Variants in CREBL2 observed in about 807,000 individuals in gnomAD.
The protein encoded by CREBL2 is cAMP responsive element binding protein like 2, also known as cAMP-responsive element-binding protein-like 2.
Under a neutral mutation model 19.5 loss-of-function variants are expected in CREBL2, and 4 were observed. The ratio of observed to expected loss-of-function variants is 0.20; its 90% CI spans 0.10 to 0.47. The LOEUF (loss-of-function observed/expected upper bound fraction) is 0.47. CREBL2 is among the 20% of genes least tolerant of loss of function. CREBL2 has a pLI of 0.98. For missense variants in CREBL2, 85 were observed against 145.1 expected, an observed-to-expected ratio of 0.59 and a Z score of 2.13; for synonymous variants, 42 against 46.6, an observed-to-expected ratio of 0.90 and a Z score of 0.40.
chr12:12,632,093 TTTG>T (rs1300020111), intron 1 of CREBL2, among the ~76,000 whole-genome samples: 327 of 123,938 alleles, frequency 2.6e-3, no homozygotes, highest in African/African-American at 7.3e-3. Context: ...TTTTTTTTTT[TTTG>T]AGACGGAGTC....
intron 1 of CREBL2, among the ~76,000 whole-genome samples, chr12:12,616,296 T>G (rs1010822553): frequency 5.3e-5 from 8 of 152,122 alleles, no homozygotes; most frequent in African/African-American, 1.7e-4. Flanking sequence ...TCTGGTGGGG[T>G]GAAGGAAGGT....
At chr12:12,616,083 A>G (rs574452434) in intron 1 of CREBL2, among the ~76,000 whole-genome samples, 37 of 152,380 alleles carry the variant, frequency 2.4e-4, no homozygotes, top group Non-Finnish European at 5.0e-4. Context: ...GGATGGTAGA[A>G]GAACATACTG....
chr12:12,632,874 C>T (rs1338745492), intron 1 of CREBL2, among the ~76,000 whole-genome samples: 1 of 150,900 alleles, frequency 6.6e-6, no homozygotes, highest in African/African-American at 2.4e-5. Context: ...ATATTTGGCT[C>T]TGAAGAAAGT....
intron 1 of CREBL2, 126 bp downstream of exon 1, chr12:12,612,313 C>G: frequency 6.5e-7 from 1 of 1,526,958 alleles, no homozygotes; most frequent in Non-Finnish European, 8.9e-7. Context: ...CCCTGCGCCT[C>G]TCCAGTCCAC....
Position 12,643,742 on chromosome 12 carries a change from A to G in CREBL2, c.*1744A>G, listed in dbSNP as rs962517522. 1 of 152,170 alleles carries G rather than the reference A, an allele frequency of 6.6e-6. No homozygotes were observed. The highest frequency in any genetic ancestry group is 2.4e-5 in the African/African-American group (1 of 41,450). The allele number at this position is 152,170 out of a possible 1,614,324, so 9.4% of individuals were successfully genotyped here. A position where few individuals can be genotyped will look rare whatever the true frequency, so the allele number is the denominator to read the frequency against. ...CACTAGCCCAGTTTGCTGGGTCTCT[A>G]TGTTTTGGAAGTTGGGGGTTTAATA... On this transcript the variant is annotated 3_prime_UTR_variant, in exon 4 of 4. Transcript: ENST00000228865.
chr12:12,636,411 ATTTTTAT>A (rs201587718), intron 2 of CREBL2, among the ~76,000 whole-genome samples: 1,748 of 152,064 alleles, frequency 0.011, 13 homozygotes, highest in Non-Finnish European at 0.019. Flanking sequence ...TTATTTATTT[ATTTTTAT>A]TTTTTATTTT....
intron 2 of CREBL2, among the ~76,000 whole-genome samples, chr12:12,637,022 G>A (rs887335763): frequency 6.6e-6 from 1 of 152,166 alleles, no homozygotes; most frequent in Non-Finnish European, 1.5e-5. Context: ...TATGTTGAAT[G>A]TGACATGCTA....
At chr12:12,615,519 GAC>G (rs1945304542) in intron 1 of CREBL2, 1 of 149,642 alleles carries the variant, frequency 6.7e-6, no homozygotes, top group Non-Finnish European at 1.5e-5. Context: ...TTTTCTTTGA[GAC>G]GGAGTCTTGC....
At chr12:12,620,298 A>G (rs1323496973) in intron 1 of CREBL2, among the ~76,000 whole-genome samples, 5 of 151,948 alleles carry the variant, frequency 3.3e-5, no homozygotes, top group African/African-American at 9.7e-5. Flanking sequence ...AAGTGGTGCA[A>G]TCATGGTTCA....
At chr12:12,627,219 T>C (rs1426571990) in intron 1 of CREBL2, among the ~76,000 whole-genome samples, 3 of 152,186 alleles carry the variant, frequency 2.0e-5, no homozygotes, top group Non-Finnish European at 4.4e-5. Context: ...TCAATTATAA[T>C]AAATGTACCA....
intron 1 of CREBL2, among the ~76,000 whole-genome samples, chr12:12,621,566 G>C (rs1945360323): frequency 6.6e-6 from 1 of 150,766 alleles, no homozygotes. Context: ...CTATATTTGA[G>C]TTGCCAGCAG....
chr12:12,616,764 C>T (rs368147246), intron 1 of CREBL2, among the ~76,000 whole-genome samples: 47 of 152,290 alleles, frequency 3.1e-4, no homozygotes, highest in African/African-American at 1.1e-3. Flanking sequence ...CCCTCACATT[C>T]TGTATGAGTC....
intron 1 of CREBL2, among the ~76,000 whole-genome samples, chr12:12,634,311 A>G (rs1945459549): frequency 6.6e-6 from 1 of 152,236 alleles, no homozygotes; most frequent in African/African-American, 2.4e-5. Flanking sequence ...AAGCTAAACA[A>G]TGAAGAAGAT....
chr12:12,613,585 G>C (rs143143806), intron 1 of CREBL2, among the ~76,000 whole-genome samples: 373 of 152,310 alleles, frequency 2.4e-3, no homozygotes, highest in Admixed American at 5.1e-3. Context: ...GCCCAGTGCA[G>C]TACTCTGGAA....
intron 3 of CREBL2, among the ~76,000 whole-genome samples, chr12:12,640,318 C>G (rs915693563): frequency 6.6e-6 from 1 of 152,120 alleles, no homozygotes; most frequent in Admixed American, 6.5e-5. Flanking sequence ...TATTAATATT[C>G]CTTGCTAGGA....
intron 1 of CREBL2, among the ~76,000 whole-genome samples, chr12:12,612,902 G>A (rs1257549869): frequency 6.6e-6 from 1 of 152,010 alleles, no homozygotes; most frequent in African/African-American, 2.4e-5. Flanking sequence ...ACGGAGTTTC[G>A]CTCTTGTCGC....
At chr12:12,633,126 G>C (rs997494252) in intron 1 of CREBL2, among the ~76,000 whole-genome samples, 3 of 151,760 alleles carry the variant, frequency 2.0e-5, no homozygotes, top group Non-Finnish European at 4.4e-5. Context: ...TAGTAGAGAA[G>C]GGGTTTCACC....
At chr12:12,638,006 C>T (rs1433199420) in intron 3 of CREBL2, among the ~76,000 whole-genome samples, 2 of 151,884 alleles carry the variant, frequency 1.3e-5, no homozygotes, top group Non-Finnish European at 2.9e-5. Context: ...TCATGAAACC[C>T]TGTCTCAAAA....
intron 3 of CREBL2, 119 bp downstream of exon 3, chr12:12,637,833 G>A: frequency 8.8e-7 from 1 of 1,142,346 alleles, no homozygotes; most frequent in Non-Finnish European, 1.2e-6. Context: ...TTGAGCCCAG[G>A]AGTTCAAGAC....
Sources: allele counts gnomAD v4.1 joint callset (sites outside exome capture counted in the v4.1 genomes callset), GRCh38; gene constraint gnomAD v4.1.1; transcripts MANE v1.5; gene names NCBI Gene and HGNC (gene_info 2026-07-23, HGNC 2026-07-21).